The following EVC2 variants were observed in gnomAD, a reference collection of about 807,000 sequenced individuals.
EVC2 encodes limbin.
EVC2 carries 148 observed loss-of-function variants against 149.3 expected under a neutral mutation model. The ratio of observed to expected loss-of-function variants is 0.99; its 90% CI spans 0.87 to 1.14. The LOEUF is 1.14. Ranked by LOEUF, EVC2 falls within the 50% of genes most tolerant of loss-of-function variation. The pLI is 0.00. For missense variants in EVC2, 1,854 were observed against 1,627.3 expected, an observed-to-expected ratio of 1.14 and a Z score of -2.40; for synonymous variants, 776 against 649.9, an observed-to-expected ratio of 1.19 and a Z score of -2.95.
intron 7 of EVC2, among the ~76,000 whole-genome samples, chr4:5,673,156 A>G (rs1227499742): frequency 6.6e-6 from 1 of 152,266 alleles, no homozygotes; most frequent in Non-Finnish European, 1.5e-5. Flanking sequence ...ACACAGAAAC[A>G]GTGCCTAATG....
intron 5 of EVC2, among the ~76,000 whole-genome samples, chr4:5,687,998 G>T (rs1038373544): frequency 2.6e-5 from 4 of 152,194 alleles, no homozygotes; most frequent in African/African-American, 9.7e-5. Context: ...ATCTGAGGCT[G>T]CATCTATGCT....
At chr4:5,555,394 TG>T (rs1469262927) in intron 21 of EVC2, among the ~76,000 whole-genome samples, 1 of 152,186 alleles carries the variant, frequency 6.6e-6, no homozygotes, top group Admixed American at 6.5e-5. Context: ...AAATATATGT[TG>T]TCTACCGGAA....
intron 16 of EVC2, among the ~76,000 whole-genome samples, chr4:5,611,094 TC>T (rs1262686381): frequency 6.6e-6 from 1 of 152,132 alleles, no homozygotes; most frequent in Non-Finnish European, 1.5e-5. Context: ...AGATGTCTCT[TC>T]CCCATCTGCC....
intron 6 of EVC2, among the ~76,000 whole-genome samples, chr4:5,682,317 C>T (rs1434996250): frequency 6.6e-6 from 1 of 151,066 alleles, no homozygotes; most frequent in African/African-American, 2.4e-5. Flanking sequence ...GTAGTGAAAC[C>T]CCATCTCTAC....
chr4:5,592,809 C>A (rs1415033447), intron 16 of EVC2, among the ~76,000 whole-genome samples: 2 of 152,158 alleles, frequency 1.3e-5, no homozygotes, highest in African/African-American at 4.8e-5. Context: ...GCTGGCAGGT[C>A]ACTGTGCATG....
intron 7 of EVC2, among the ~76,000 whole-genome samples, chr4:5,673,770 G>C (rs907138199): frequency 6.6e-6 from 1 of 152,224 alleles, no homozygotes; most frequent in South Asian, 2.1e-4. Context: ...AAAGCATGAT[G>C]AAGAATTGTT....
intron 1 of EVC2, among the ~76,000 whole-genome samples, chr4:5,705,610 AT>A (rs1382845243): frequency 2.0e-5 from 3 of 152,144 alleles, no homozygotes; most frequent in Non-Finnish European, 4.4e-5. Flanking sequence ...GAAGAATGGC[AT>A]TTTTTTACAT....
In EVC2 at chr4:5,640,347, T is replaced by C. The variant is rs966674378; in HGVS notation, c.1470+167A>G. Among the ~76,000 whole-genome samples the C allele has an allele frequency of 6.6e-6, 1 of 151,656 alleles. No homozygotes were observed. The highest frequency in any genetic ancestry group is 2.4e-5 in the African/African-American group (1 of 41,242). The stretch of plus-strand genomic sequence containing the variant: ...GATGATGATGGATGGACGGTGGGAA[T>C]GGTTGGATGAATGAATGGAAGGATG... On this transcript the variant is annotated intron_variant, in intron 10 of 21. Coordinates refer to ENST00000344408, the MANE Select transcript of EVC2 (RefSeq NM_147127.5). This position sits in a 1 kb window ranked among gnomAD's most constrained non-coding sequence, Gnocchi z 4.6.
At chr4:5,603,001 A>G (rs1254914158) in intron 16 of EVC2, among the ~76,000 whole-genome samples, 1 of 152,188 alleles carries the variant, frequency 6.6e-6, no homozygotes, top group Admixed American at 6.5e-5. Context: ...TTTCAGCAGA[A>G]GCCTTGTAGA....
chr4:5,580,174 T>C (rs1711629335), intron 17 of EVC2, among the ~76,000 whole-genome samples: 1 of 152,212 alleles, frequency 6.6e-6, no homozygotes, highest in Admixed American at 6.5e-5. Flanking sequence ...TAAAAGCCCA[T>C]TCCCAATAGG....
rs76219168 is a variant in EVC2, at chr4:5,657,402, T to C, written c.1145+5705A>G. On this transcript the variant is annotated intron_variant, in intron 9 of 21. Coordinates refer to ENST00000344408, the MANE Select transcript of EVC2 (RefSeq NM_147127.5). This position sits in a 1 kb window ranked among gnomAD's most constrained non-coding sequence, Gnocchi z 4.7. ...GCCCAACTCCTCTCCAGTCCTTCCATCAAACAGAATCTCCCTGCAAGAGTG... is the reference window on the plus strand; with the variant it reads ...GCCCAACTCCTCTCCAGTCCTTCCACCAAACAGAATCTCCCTGCAAGAGTG... Among the ~76,000 whole-genome samples the C allele has an allele frequency of 5.9e-5, 9 of 152,062 alleles. No individual in the cohort carries two copies. In the East Asian group the frequency reaches 1.8e-3, roughly 30 times the overall value.
chr4:5,559,678 A>G (rs779046423), downstream of EVC2, among the ~76,000 whole-genome samples: 6 of 152,234 alleles, frequency 3.9e-5, no homozygotes, highest in Non-Finnish European at 7.3e-5. The surrounding 1 kb of genome is among the most constrained non-coding windows in gnomAD (Gnocchi z 5.0). Context: ...ATGGGAGACA[A>G]CAGAAAGAGC....
In EVC2 at chr4:5,637,338, T is replaced by G. The variant is rs969031638; in HGVS notation, c.1470+3176A>C. Among the ~76,000 whole-genome samples the G allele has an allele frequency of 1.3e-5, 2 of 152,184 alleles. No individual in the cohort carries two copies. The highest frequency in any genetic ancestry group is 4.8e-5 in the African/African-American group (2 of 41,460). On this transcript the variant is annotated intron_variant, in intron 10 of 21. Coordinates refer to ENST00000344408, the MANE Select transcript of EVC2 (RefSeq NM_147127.5). The surrounding 1 kb of genome is among the most constrained non-coding windows in gnomAD (Gnocchi z 4.4). The stretch of plus-strand genomic sequence containing the variant: ...TGCGCAGTGGTTGGGGGCATGCTGC[T>G]GGACATGAGGCTGACTGTCCTCGGG...
chr4:5,616,014 C>T (rs1401439776), intron 15 of EVC2, among the ~76,000 whole-genome samples: 1 of 152,194 alleles, frequency 6.6e-6, no homozygotes, highest in Non-Finnish European at 1.5e-5. Flanking sequence ...GACCTGGAAG[C>T]CCGGGGTATA....
chr4:5,688,545 C>G (rs1172905234), intron 5 of EVC2, among the ~76,000 whole-genome samples: 1 of 152,120 alleles, frequency 6.6e-6, no homozygotes, highest in Admixed American at 6.5e-5. Flanking sequence ...CAACTGAATC[C>G]CAGAATTGGT....
intron 1 of EVC2, 50 bp downstream of exon 1, chr4:5,708,236 A>G: frequency 1.4e-6 from 2 of 1,419,608 alleles, no homozygotes; most frequent in East Asian, 2.9e-5. Context: ...GGTGTAGACA[A>G]AGTCAAACCA....
chr4:5,534,291 T>C, the EVC2 span, among the ~76,000 whole-genome samples: 3 of 152,296 alleles, frequency 2.0e-5, no homozygotes, highest in Non-Finnish European at 4.4e-5. Flanking sequence ...TGCTGTTCAC[T>C]GCCACATCCC....
chr4:5,702,471 G>C lies in EVC2; in HGVS notation c.229-4824C>G, dbSNP rs570534235. Among the ~76,000 whole-genome samples, 413 of 152,314 alleles carry C rather than the reference G, an allele frequency of 2.7e-3. 1 individual carries two copies. Among genetic ancestry groups the C allele is most frequent in the Non-Finnish European group, 4.6e-3 (310 of 68,042 alleles). ...GACATTGCGAAAGAATGGCCCAGAG[G>C]CCTGGTCTCTGCTAACCCTCCACTG... On this transcript the variant is annotated intron_variant, in intron 1 of 21. Transcript: ENST00000344408.
chr4:5,703,188 A>G (rs939011119), intron 1 of EVC2, among the ~76,000 whole-genome samples: 1 of 152,218 alleles, frequency 6.6e-6, no homozygotes, highest in Non-Finnish European at 1.5e-5. Context: ...CTTTTTGCTT[A>G]AAGTCAAAGT....
Sources: gnomAD v4.1 joint callset for allele counts (sites outside exome capture counted in the v4.1 genomes callset) on GRCh38, gnomAD v4.1.1 for gene constraint, Gnocchi (gnomAD v3.1) non-coding constraint, MANE v1.5 for transcripts, NCBI Gene and HGNC (gene_info 2026-07-23, HGNC 2026-07-21) for gene names.